The following IQGAP1 variants were observed in gnomAD, a reference collection of about 807,000 sequenced individuals.
The protein encoded by IQGAP1 is ras GTPase-activating-like protein IQGAP1.
A neutral mutation model predicts 215.6 loss-of-function variants in IQGAP1; 66 were observed. The ratio of observed to expected loss-of-function variants is 0.31; its 90% CI spans 0.25 to 0.38. The LOEUF (loss-of-function observed/expected upper bound fraction) is 0.38, where lower values mean the gene tolerates loss of function less well. Ranked by LOEUF, IQGAP1 falls within the 10% of genes least tolerant of loss-of-function variation. IQGAP1 has a pLI of 1.00. For missense variants in IQGAP1, 1,712 were observed against 1,997.1 expected, an observed-to-expected ratio of 0.86 and a Z score of 2.72; for synonymous variants, 772 against 728.7, an observed-to-expected ratio of 1.06 and a Z score of -0.96.
chr15:90,491,231 G>T (rs1596294258), intron 33 of IQGAP1, 102 bp from the exon 34 acceptor site: 1 of 929,198 alleles, frequency 1.1e-6, no homozygotes, highest in South Asian at 1.6e-5. Context: ...TTCAAGGTTG[G>T]AGTTTAAGAA....
chr15:90,448,184 C>T (rs7172909), intron 9 of IQGAP1, among the ~76,000 whole-genome samples: 54,240 of 152,040 alleles, frequency 0.36, 10,325 homozygotes, highest in East Asian at 0.67. Flanking sequence ...TAAGTGGCCA[C>T]GGGAGATACT....
intron 23 of IQGAP1, chr15:90,474,919 C>T (rs1965956556): frequency 1.9e-6 from 1 of 526,836 alleles, no homozygotes. Context: ...AAGCAATTCT[C>T]CTCCCTCAAC....
In IQGAP1 at chr15:90,445,846, GGT is replaced by G. The variant is rs1491147370; in HGVS notation, c.913+2369_913+2370del. Reference sequence around the variant, plus strand: ...TCCTGACCAGCATTCTTTTTTTTTGGGTTTTTTTTTTTTTTGGAGACAGAGCC... The same window carrying G: ...TCCTGACCAGCATTCTTTTTTTTTGGTTTTTTTTTTTTTGGAGACAGAGCC... On this transcript the variant is annotated intron_variant, in intron 9 of 37. Coordinates refer to ENST00000268182, the MANE Select transcript of IQGAP1 (RefSeq NM_003870.4). Among the ~76,000 whole-genome samples the G allele has an allele frequency of 5.0e-4, 55 of 110,630 alleles. 1 individual carries two copies. Among genetic ancestry groups the G allele is most frequent in the African/African-American group, 2.4e-3 (52 of 21,488 alleles). The allele number at this position is 110,630 out of a possible 152,430, so 72.6% of individuals were successfully genotyped here.
intron 28 of IQGAP1, chr15:90,482,628 T>C: frequency 1.7e-6 from 1 of 601,784 alleles, no homozygotes; most frequent in Non-Finnish European, 2.2e-6. Context: ...TGCTGATAAC[T>C]CTTTCTTACT....
In IQGAP1 at chr15:90,447,382, C is replaced by A. The variant is rs894062699; in HGVS notation, c.914-1191C>A. On this transcript the variant is annotated intron_variant, in intron 9 of 37. Transcript: ENST00000268182. ...TAGTCTCCTCATTGCCCCTACTTCC[C>A]ATTTTCTAGTTTGAGACTTTATTTT... Among the ~76,000 whole-genome samples, 12 of 152,286 alleles carry A rather than the reference C, an allele frequency of 7.9e-5. 1 individual carries two copies. The highest frequency in any genetic ancestry group is 7.2e-4 in the Admixed American group (11 of 15,278).
rs925080053 is a variant in IQGAP1, at chr15:90,396,248, C to T, written c.155+5375C>T. ...TCTCCCTGTAAGTGATTTCAGAATT[C>T]CATGAATGTTGGGATATGTCCAGGC... On this transcript the variant is annotated intron_variant, in intron 2 of 37. Transcript: ENST00000268182. 3.3e-5 allele frequency among the ~76,000 whole-genome samples: 5 copies of T among 152,234 alleles called. No individual in the cohort carries two copies. In the South Asian group the frequency reaches 6.2e-4, roughly 19 times the overall value.
intron 1 of IQGAP1, 87 bp downstream of exon 1, chr15:90,388,483 G>T: frequency 4.4e-6 from 5 of 1,148,442 alleles, no homozygotes; most frequent in Admixed American, 3.1e-5. Flanking sequence ...GGCCGGGCGG[G>T]TGGGGCAGGG....
intron 2 of IQGAP1, among the ~76,000 whole-genome samples, chr15:90,415,396 G>C (rs1041436047): frequency 1.3e-5 from 2 of 151,758 alleles, no homozygotes; most frequent in African/African-American, 4.8e-5. Context: ...GTTTTATTTA[G>C]TTTTTTAAAA....
chr15:90,445,845 G>T (rs377077896), intron 9 of IQGAP1, among the ~76,000 whole-genome samples: 252 of 109,524 alleles, frequency 2.3e-3, no homozygotes, highest in African/African-American at 0.011. Context: ...CTTTTTTTTT[G>T]GGTTTTTTTT....
At chr15:90,437,713 A>T (rs1287547533) in intron 5 of IQGAP1, among the ~76,000 whole-genome samples, 4 of 151,666 alleles carry the variant, frequency 2.6e-5, no homozygotes, top group African/African-American at 4.8e-5. Context: ...TAATTAAGAA[A>T]TTTTTTTTGT....
At chr15:90,491,574 C>T (rs532904363) in intron 34 of IQGAP1, 29 bp downstream of exon 34, 11 of 1,584,826 alleles carry the variant, frequency 6.9e-6, no homozygotes, top group East Asian at 6.7e-5. Flanking sequence ...AGAGGGGACC[C>T]GGCCTTGTTC....
At chr15:90,463,129 C>T (rs899399416) in intron 15 of IQGAP1, among the ~76,000 whole-genome samples, 1 of 152,142 alleles carries the variant, frequency 6.6e-6, no homozygotes, top group Admixed American at 6.5e-5. Context: ...ATTAATGTTT[C>T]CCTGAAACAC....
At chr15:90,398,947 G>A (rs1167137452) in intron 2 of IQGAP1, among the ~76,000 whole-genome samples, 6 of 148,610 alleles carry the variant, frequency 4.0e-5, no homozygotes, top group Non-Finnish European at 7.4e-5. Flanking sequence ...GGAGGTTGCA[G>A]TGAGCTGAGA....
chr15:90,432,972 G>C (rs760838871), intron 4 of IQGAP1, among the ~76,000 whole-genome samples: 1 of 152,160 alleles, frequency 6.6e-6, no homozygotes, highest in Non-Finnish European at 1.5e-5. Context: ...ATCGAATGTA[G>C]AGCTTCCATG....
Position 90,442,912 on chromosome 15 carries a change from T to C in IQGAP1, c.829-482T>C, listed in dbSNP as rs1026431842. ...ACGTGAACCCAGGAGGCAGAGTTTT[T>C]AATGAGCCAAGATGGTGCCATTGCA... is the stretch of plus-strand genomic sequence containing the variant. On this transcript the variant is annotated intron_variant, in intron 8 of 37. Transcript: ENST00000268182. Among the ~76,000 whole-genome samples, 5 of 151,976 alleles carry C rather than the reference T, an allele frequency of 3.3e-5. No homozygotes were observed. The South Asian group carries it at 6.2e-4, about 19-fold the overall frequency.
intron 30 of IQGAP1, among the ~76,000 whole-genome samples, chr15:90,484,604 G>T (rs1183372839): frequency 3.9e-5 from 6 of 152,088 alleles, no homozygotes; most frequent in Non-Finnish European, 8.8e-5. Flanking sequence ...CACCTCCTGG[G>T]TTCACACCAT....
At chr15:90,471,122 C>T (rs1002952107) in intron 18 of IQGAP1, among the ~76,000 whole-genome samples, 9 of 152,086 alleles carry the variant, frequency 5.9e-5, no homozygotes, top group Non-Finnish European at 8.8e-5. Context: ...CCAGCAGACA[C>T]CTCAAACACA....
chr15:90,399,369 ATTTG>A (rs1157101708), intron 2 of IQGAP1, among the ~76,000 whole-genome samples: 2 of 151,906 alleles, frequency 1.3e-5, no homozygotes, highest in East Asian at 3.9e-4. Context: ...TTTCTTACAT[ATTTG>A]TTTATCAGTA....
chr15:90,461,025 G>T (rs1010696978), intron 15 of IQGAP1, among the ~76,000 whole-genome samples: 2 of 147,514 alleles, frequency 1.4e-5, no homozygotes, highest in African/African-American at 5.0e-5. Flanking sequence ...AAAAAAAAAG[G>T]GCTGGGCGCA....
Sources: allele counts gnomAD v4.1 joint callset (sites outside exome capture counted in the v4.1 genomes callset), GRCh38; gene constraint gnomAD v4.1.1; transcripts MANE v1.5; gene names NCBI Gene and HGNC (gene_info 2026-07-23, HGNC 2026-07-21).